The following MILR1 variants were observed in gnomAD, a reference collection of about 807,000 sequenced individuals.
The protein encoded by MILR1 is allergin-1.
Under a neutral mutation model 18.5 loss-of-function variants are expected in MILR1, and 31 were observed. That is an observed-to-expected ratio of 1.68 (90% CI 1.26 to 2.26). The LOEUF (loss-of-function observed/expected upper bound fraction) is 2.26. MILR1 is among the 30% of genes most tolerant of loss of function. MILR1 has a pLI of 0.00. For synonymous variants in MILR1, 85 were observed against 56.2 expected, an observed-to-expected ratio of 1.51 and a Z score of -2.30; for missense variants, 257 against 157.4, an observed-to-expected ratio of 1.63 and a Z score of -3.38.
chr17:64,467,002 T>C (rs946971917), intron 8 of MILR1, among the ~76,000 whole-genome samples: 1 of 151,764 alleles, frequency 6.6e-6, no homozygotes, highest in African/African-American at 2.4e-5. Flanking sequence ...TGTCTCTCTT[T>C]ATTTTTTCTT....
intron 5 of MILR1, among the ~76,000 whole-genome samples, chr17:64,462,249 C>T (rs1055024397): frequency 1.2e-4 from 18 of 151,516 alleles, no homozygotes; most frequent in African/African-American, 1.9e-4. Flanking sequence ...AGGCTGGTCT[C>T]GAACACTTGG....
rs1027000543 is a variant in MILR1, at chr17:64,454,484, C to A, written c.367+1618C>A. Among the ~76,000 whole-genome samples, 11 of 152,330 alleles carry A rather than the reference C, an allele frequency of 7.2e-5. No individual in the cohort carries two copies. The South Asian group carries it at 1.0e-3, about 14-fold the overall frequency. The stretch of plus-strand genomic sequence containing the variant: ...TAGCCACACCTGTAGCTGGTGGCTG[C>A]CACATTGGACAACACAGATGTAGAC... On this transcript the variant is annotated intron_variant, in intron 3 of 9. Coordinates refer to ENST00000619286, the MANE Select transcript of MILR1 (RefSeq NM_001085423.2).
chr17:64,491,655 T>C, the MILR1 span: 2 of 1,389,224 alleles, frequency 1.4e-6, no homozygotes, highest in African/African-American at 1.4e-5. Context: ...TTACTACTGG[T>C]ACTACAACAA....
chr17:64,496,924 C>G, the MILR1 span: 1 of 1,611,798 alleles, frequency 6.2e-7, no homozygotes, highest in Non-Finnish European at 8.5e-7. Context: ...ACAACAGGCA[C>G]CTGCAGACCT....
At chr17:64,451,222 C>T (rs2037164582) in intron 2 of MILR1, among the ~76,000 whole-genome samples, 1 of 151,982 alleles carries the variant, frequency 6.6e-6, no homozygotes, top group Non-Finnish European at 1.5e-5. Context: ...TAGCTTTCCG[C>T]AGCCTCGACC....
the MILR1 span, chr17:64,492,954 C>G: frequency 6.2e-7 from 1 of 1,614,008 alleles, no homozygotes; most frequent in Non-Finnish European, 8.5e-7. Flanking sequence ...ACACTCCAAT[C>G]TGAGCAAGGC....
the MILR1 span, among the ~76,000 whole-genome samples, chr17:64,488,793 C>A: frequency 6.6e-6 from 1 of 151,936 alleles, no homozygotes; most frequent in Non-Finnish European, 1.5e-5. Flanking sequence ...TATGGTGAAA[C>A]CCTGTCTCTA....
intron 5 of MILR1, among the ~76,000 whole-genome samples, chr17:64,464,453 T>A (rs1333529233): frequency 6.6e-6 from 1 of 151,580 alleles, no homozygotes; most frequent in Non-Finnish European, 1.5e-5. Context: ...TTCCCCAGGG[T>A]GGTCTTGAAT....
chr17:64,493,782 G>A, the MILR1 span, among the ~76,000 whole-genome samples: 7 of 152,166 alleles, frequency 4.6e-5, no homozygotes, highest in Middle Eastern at 3.4e-3. Context: ...CACCGCGCCC[G>A]ACAAAGATTT....
At chr17:64,459,289 C>T (rs1045511686) in intron 4 of MILR1, among the ~76,000 whole-genome samples, 2 of 151,918 alleles carry the variant, frequency 1.3e-5, no homozygotes, top group Non-Finnish European at 2.9e-5. Flanking sequence ...AAAAAATTAG[C>T]CGGGTGTGGT....
At chr17:64,472,791 A>C (rs544762904), downstream of MILR1, among the ~76,000 whole-genome samples, 9 of 152,336 alleles carry the variant, frequency 5.9e-5, no homozygotes, top group South Asian at 1.2e-3. Flanking sequence ...CTGTTCAAAC[A>C]GTGACCTCCA....
chr17:64,477,730 C>G, the MILR1 span: 8 of 1,323,844 alleles, frequency 6.0e-6, no homozygotes, highest in Non-Finnish European at 7.0e-6. Flanking sequence ...CAAATGTCCA[C>G]TTTATAAGTG....
At chr17:64,458,711 G>A (rs893770989) in intron 4 of MILR1, among the ~76,000 whole-genome samples, 31 of 151,998 alleles carry the variant, frequency 2.0e-4, no homozygotes, top group East Asian at 1.2e-3. Context: ...TCAGGGAGCC[G>A]TGGGGATGCA....
the MILR1 span, among the ~76,000 whole-genome samples, chr17:64,489,104 A>T: frequency 1.3e-5 from 2 of 148,604 alleles, no homozygotes; most frequent in Non-Finnish European, 3.0e-5. Flanking sequence ...TGGCTCACTG[A>T]TGATCCTGGA....
chr17:64,489,787 C>T, the MILR1 span, among the ~76,000 whole-genome samples: 2 of 151,706 alleles, frequency 1.3e-5, no homozygotes, highest in African/African-American at 4.8e-5. Context: ...CACCATTTGG[C>T]AAACCTCACA....
the MILR1 span, chr17:64,477,791 GAGA>G: frequency 1.4e-5 from 21 of 1,530,724 alleles, no homozygotes; most frequent in South Asian, 3.8e-5. Flanking sequence ...CAAATTAGGA[GAGA>G]AGAATATTTA....
the MILR1 span, chr17:64,496,367 A>C: frequency 1.5e-6 from 2 of 1,375,294 alleles, no homozygotes; most frequent in South Asian, 2.6e-5. Flanking sequence ...TCGCCTTTCC[A>C]CCCGACACCT....
the MILR1 span, among the ~76,000 whole-genome samples, chr17:64,490,128 T>C: frequency 2.6e-5 from 4 of 152,144 alleles, no homozygotes; most frequent in African/African-American, 9.7e-5. Context: ...TTTCACCACA[T>C]TGGCCAGGAT....
At chr17:64,489,617 G>A in the MILR1 span, among the ~76,000 whole-genome samples, 13 of 151,834 alleles carry the variant, frequency 8.6e-5, no homozygotes, top group Non-Finnish European at 7.4e-5. Context: ...ACCATCAGTC[G>A]GGCATGGTGA....
Sources: gnomAD v4.1 joint callset for allele counts (sites outside exome capture counted in the v4.1 genomes callset) on GRCh38, gnomAD v4.1.1 for gene constraint, MANE v1.5 for transcripts, NCBI Gene and HGNC (gene_info 2026-07-23, HGNC 2026-07-21) for gene names.